ADAM17: variants seen among roughly 807,000 people sequenced by gnomAD.
The protein encoded by ADAM17 is ADAM metallopeptidase domain 17.
In ADAM17, 39 loss-of-function variants were observed where a neutral mutation model predicts 96.7. The ratio of observed to expected loss-of-function variants is 0.40; its 90% CI spans 0.31 to 0.53. The LOEUF is 0.53. ADAM17 is among the 20% of genes least tolerant of loss of function. The pLI is 0.44. For missense variants in ADAM17, 777 were observed against 1,013.2 expected, an observed-to-expected ratio of 0.77 and a Z score of 3.17; for synonymous variants, 344 against 359.2, an observed-to-expected ratio of 0.96 and a Z score of 0.48.
chr2:9,515,926 G>C (rs1033852846), intron 10 of ADAM17, among the ~76,000 whole-genome samples: 5 of 152,028 alleles, frequency 3.3e-5, no homozygotes, highest in Non-Finnish European at 7.4e-5. Context: ...GCACATTGTT[G>C]TTGGGTTTCT....
intron 16 of ADAM17, 40 bp from the exon 17 acceptor site, chr2:9,493,026 C>T (rs1662289613): frequency 6.7e-7 from 1 of 1,493,676 alleles, no homozygotes; most frequent in Non-Finnish European, 9.2e-7. Context: ...TGACCAAGTA[C>T]TTCACAAATC....
chr2:9,539,957 T>C (rs879659358), intron 2 of ADAM17, among the ~76,000 whole-genome samples: 1 of 152,210 alleles, frequency 6.6e-6, no homozygotes, highest in Non-Finnish European at 1.5e-5. Context: ...TTAGATAAAT[T>C]TCCCATTAAA....
At chr2:9,508,257 G>A (rs1663531522) in intron 11 of ADAM17, among the ~76,000 whole-genome samples, 1 of 152,122 alleles carries the variant, frequency 6.6e-6, no homozygotes. Context: ...TTCTATTACA[G>A]AAATATTCAA....
chr2:9,521,357 TAAGTCAGAA>T, intron 7 of ADAM17, 41 bp from the exon 8 acceptor site: 2 of 1,385,206 alleles, frequency 1.4e-6, no homozygotes, highest in Non-Finnish European at 2.0e-6. Flanking sequence ...ACTTCCAAAA[TAAGTCAGAA>T]GGCTCTGAAT....
chr2:9,520,845 T>G (rs1418196543), intron 8 of ADAM17, among the ~76,000 whole-genome samples: 3 of 151,250 alleles, frequency 2.0e-5, no homozygotes, highest in Non-Finnish European at 4.4e-5. Context: ...ATGCCTATAA[T>G]CCTAGCTACT....
chr2:9,518,004 A>C lies in ADAM17; in HGVS notation c.1103-15T>G. On this transcript the variant is annotated splice_polypyrimidine_tract_variant and intron_variant, in intron 9 of 18. Transcript: ENST00000310823. ...GCTATAATAAGCTAAAGTCAAAAGG[A>C]AACAGAGATAAATTGCTTATTAAAT... 1.3e-6 allele frequency: 2 copies of C among 1,586,304 alleles called. No homozygotes were observed. Among genetic ancestry groups the C allele is most frequent in the East Asian group, 4.5e-5 (2 of 44,560 alleles).
chr2:9,507,597 AAC>A (rs1663486198), intron 11 of ADAM17, among the ~76,000 whole-genome samples: 1 of 152,214 alleles, frequency 6.6e-6, no homozygotes, highest in African/African-American at 2.4e-5. Context: ...AAACTAGAAA[AAC>A]ACAGACTAAA....
In ADAM17 at chr2:9,505,102, C is replaced by A. The variant is rs140182306; in HGVS notation, c.1544+64G>T. 55 of 1,548,400 alleles carry A rather than the reference C, an allele frequency of 3.6e-5. No homozygotes were observed. The African/African-American group carries it at 6.4e-4, about 18-fold the overall frequency. ...ATTCTAAAGCCCCTGCAAGTTCAGT[C>A]TTCTCTTATTTTGGACATCTTGTTA... On this transcript the variant is annotated intron_variant, in intron 12 of 18. Coordinates refer to ENST00000310823, the MANE Select transcript of ADAM17 (RefSeq NM_003183.6).
At chr2:9,539,647 G>A (rs1360617292) in intron 2 of ADAM17, among the ~76,000 whole-genome samples, 1 of 152,094 alleles carries the variant, frequency 6.6e-6, no homozygotes, top group Non-Finnish European at 1.5e-5. Context: ...AAGTAATGAG[G>A]GGTTTCATAG....
intron 1 of ADAM17, among the ~76,000 whole-genome samples, chr2:9,552,151 T>G (rs956036612): frequency 5.3e-5 from 8 of 152,206 alleles, no homozygotes; most frequent in African/African-American, 1.9e-4. Context: ...TATCAATCTT[T>G]TTCAGACTTT....
At chr2:9,499,360 T>C (rs923608129) in intron 13 of ADAM17, among the ~76,000 whole-genome samples, 1 of 152,152 alleles carries the variant, frequency 6.6e-6, no homozygotes, top group African/African-American at 2.4e-5. Flanking sequence ...TAGCAAATGC[T>C]TCTTTAAAGC....
intron 10 of ADAM17, among the ~76,000 whole-genome samples, chr2:9,516,689 G>T (rs559964868): frequency 3.3e-5 from 5 of 152,140 alleles, no homozygotes; most frequent in Admixed American, 3.3e-4. Context: ...GAAGGCAGAG[G>T]TTACAGTGAG....
At chr2:9,549,295 C>T (rs1229246104) in intron 1 of ADAM17, among the ~76,000 whole-genome samples, 2 of 152,068 alleles carry the variant, frequency 1.3e-5, no homozygotes, top group Admixed American at 6.6e-5. Context: ...CGCTTGAACC[C>T]GGGTGGCAGA....
intron 16 of ADAM17, 72 bp downstream of exon 16, chr2:9,493,675 A>C (rs1662336063): frequency 7.4e-7 from 1 of 1,357,936 alleles, no homozygotes; most frequent in African/African-American, 1.4e-5. Context: ...CATCACTCTG[A>C]AAGCACACTT....
intron 4 of ADAM17, among the ~76,000 whole-genome samples, chr2:9,529,697 G>A (rs980343846): frequency 2.6e-5 from 4 of 152,100 alleles, no homozygotes; most frequent in African/African-American, 9.7e-5. Flanking sequence ...ACTGCCGGGC[G>A]CGATGGCTCA....
chr2:9,540,865 GT>G (rs1007992616), intron 2 of ADAM17, among the ~76,000 whole-genome samples: 3 of 152,200 alleles, frequency 2.0e-5, no homozygotes, highest in Admixed American at 6.5e-5. Context: ...CTTTAGAGGG[GT>G]GACAGTTAAA....
intron 2 of ADAM17, among the ~76,000 whole-genome samples, chr2:9,537,544 TA>T (rs1272742272): frequency 6.6e-6 from 1 of 152,016 alleles, no homozygotes; most frequent in African/African-American, 2.4e-5. Context: ...CCATCCTGGC[TA>T]ACACAGCGAA....
chr2:9,505,572 T>A, intron 11 of ADAM17: 1 of 581,310 alleles, frequency 1.7e-6, no homozygotes, highest in South Asian at 2.0e-5. Context: ...AAATGGCTGA[T>A]GTGAACTTGG....
At position 9,500,021 on chromosome 2, in the gene ADAM17, T is replaced by C. The variant is rs148326278; in HGVS notation, c.1648+2152A>G. ...TGACAGCTCCTCAAAAGATTAAGCATAGTTACCACATGACCCAGAAATTCT... is the reference window on the plus strand; with the variant it reads ...TGACAGCTCCTCAAAAGATTAAGCACAGTTACCACATGACCCAGAAATTCT... On this transcript the variant is annotated intron_variant, in intron 13 of 18. Transcript: ENST00000310823. Among the ~76,000 whole-genome samples, 479 of 152,290 alleles carry C rather than the reference T, an allele frequency of 3.1e-3. 4 individuals carry two copies. The highest frequency in any genetic ancestry group is 0.011 in the African/African-American group (446 of 41,548).
Sources: allele counts gnomAD v4.1 joint callset (sites outside exome capture counted in the v4.1 genomes callset), GRCh38; gene constraint gnomAD v4.1.1; transcripts MANE v1.5; gene names NCBI Gene and HGNC (gene_info 2026-07-23, HGNC 2026-07-21).